Variants in BLVRA observed in about 807,000 individuals in gnomAD.
The protein encoded by BLVRA is BVR A.
A neutral mutation model predicts 32.8 loss-of-function variants in BLVRA; 22 were observed. That is an observed-to-expected ratio of 0.67 (90% CI 0.48 to 0.96). BLVRA has a LOEUF of 0.96. Among genes scored for constraint, BLVRA ranks in the 40% least tolerant of loss-of-function variants. The pLI, the probability that BLVRA is intolerant of heterozygous loss-of-function variation, is 0.00. For missense variants in BLVRA, 323 were observed against 358.1 expected, an observed-to-expected ratio of 0.90 and a Z score of 0.79; for synonymous variants, 119 against 141.3, an observed-to-expected ratio of 0.84 and a Z score of 1.12.
At chr7:43,793,831 A>T (rs1236904155) in intron 5 of BLVRA, among the ~76,000 whole-genome samples, 1 of 151,548 alleles carries the variant, frequency 6.6e-6, no homozygotes, top group Non-Finnish European at 1.5e-5. Flanking sequence ...ACGATGTTGG[A>T]CACAATGGTC....
intron 2 of BLVRA, 46 bp downstream of exon 2, chr7:43,771,216 T>C (rs905936654): frequency 1.1e-5 from 18 of 1,600,252 alleles, no homozygotes; most frequent in Non-Finnish European, 1.5e-5. Context: ...TTTCTTATTG[T>C]GTCCCTCATT....
intron 7 of BLVRA, among the ~76,000 whole-genome samples, chr7:43,805,806 A>T (rs995615663): frequency 5.3e-5 from 8 of 152,096 alleles, no homozygotes; most frequent in African/African-American, 1.9e-4. Flanking sequence ...TATACTGTCT[A>T]GGCCGGTCTC....
chr7:43,782,350 C>T (rs183214711), intron 2 of BLVRA, among the ~76,000 whole-genome samples: 2 of 152,320 alleles, frequency 1.3e-5, no homozygotes, highest in African/African-American at 4.8e-5. Flanking sequence ...CGGCCACAGT[C>T]GGGCTTTGAT....
chr7:43,798,382 G>T (rs538545787), intron 5 of BLVRA, among the ~76,000 whole-genome samples: 34 of 152,108 alleles, frequency 2.2e-4, no homozygotes, highest in African/African-American at 7.5e-4. Flanking sequence ...TATTTTGTGA[G>T]AAGGTAGTTT....
intron 1 of BLVRA, 104 bp from the exon 2 acceptor site, chr7:43,771,034 G>A: frequency 1.0e-6 from 1 of 963,198 alleles, no homozygotes; most frequent in South Asian, 1.3e-5. Flanking sequence ...TGAGAATGAT[G>A]GGACAGGAAG....
Position 43,807,116 on chromosome 7 carries a change from T to G in BLVRA, c.772T>G (p.Phe258Val). The change falls in exon 8 of 8, where the codon TTT becomes GTT. Residue 258 changes from phenylalanine to valine, a missense_variant. By Grantham distance (50) the Phe-to-Val change is conservative. Coordinates refer to ENST00000265523, the MANE Select transcript of BLVRA (RefSeq NM_000712.4). ...CATATTTCTGAAAGATCAAAATATA[T>G]TTGTCCAGAAACTCTTGGGCCAGTT... ...KNIFLKDQNIFVQKLLGQFSE... is the reference protein window; with the variant it reads ...KNIFLKDQNIVVQKLLGQFSE... The G allele has an allele frequency of 6.2e-7, 1 of 1,614,142 alleles. No homozygotes were observed. Among genetic ancestry groups the G allele is most frequent in the Non-Finnish European group, 8.5e-7 (1 of 1,180,034 alleles).
intron 7 of BLVRA, among the ~76,000 whole-genome samples, chr7:43,804,975 A>G (rs1015218594): frequency 6.6e-6 from 1 of 152,226 alleles, no homozygotes; most frequent in African/African-American, 2.4e-5. Flanking sequence ...GGCCTGGCAG[A>G]TGAAAGCAAA....
At chr7:43,801,974 A>C (rs1224305248) in intron 6 of BLVRA, among the ~76,000 whole-genome samples, 2 of 148,010 alleles carry the variant, frequency 1.4e-5, no homozygotes, top group African/African-American at 4.9e-5. Flanking sequence ...GTCTCTACTA[A>C]AAAAAAAAAA....
chr7:43,773,387 T>C (rs1216312806), intron 2 of BLVRA, among the ~76,000 whole-genome samples: 1 of 148,918 alleles, frequency 6.7e-6, no homozygotes, highest in Non-Finnish European at 1.5e-5. Context: ...GAACATGCGG[T>C]GTTTGGTTTT....
chr7:43,797,199 T>C (rs1222668428), intron 5 of BLVRA, among the ~76,000 whole-genome samples: 1 of 152,264 alleles, frequency 6.6e-6, no homozygotes, highest in African/African-American at 2.4e-5. Flanking sequence ...GTGATTCTTG[T>C]GCCTCAGCCA....
intron 5 of BLVRA, among the ~76,000 whole-genome samples, chr7:43,798,175 CA>C (rs1232225585): frequency 9.1e-6 from 1 of 110,332 alleles, no homozygotes; most frequent in African/African-American, 3.6e-5. Context: ...GCCTGGGTGA[CA>C]GAGGGAGACT....
chr7:43,806,762 C>A (rs953201126), intron 7 of BLVRA, among the ~76,000 whole-genome samples: 2 of 152,048 alleles, frequency 1.3e-5, no homozygotes, highest in Admixed American at 1.3e-4. Flanking sequence ...AAAAAAAAGT[C>A]ACTGAATGAA....
At chr7:43,805,802 G>C (rs897066152) in intron 7 of BLVRA, among the ~76,000 whole-genome samples, 1 of 152,052 alleles carries the variant, frequency 6.6e-6, no homozygotes, top group African/African-American at 2.4e-5. Flanking sequence ...TTGCTATACT[G>C]TCTAGGCCGG....
intron 5 of BLVRA, among the ~76,000 whole-genome samples, chr7:43,793,680 A>G (rs2095788669): frequency 6.7e-6 from 1 of 149,986 alleles, no homozygotes. Flanking sequence ...CTGGAGTTCA[A>G]TGGCACCATC....
intron 1 of BLVRA, among the ~76,000 whole-genome samples, chr7:43,764,760 G>C (rs1434392046): frequency 6.6e-6 from 1 of 151,916 alleles, no homozygotes; most frequent in Non-Finnish European, 1.5e-5. Context: ...AACCGAAAGA[G>C]AACCCCCCAC....
At chr7:43,780,997 A>AT (rs1334280428) in intron 2 of BLVRA, among the ~76,000 whole-genome samples, 2 of 152,238 alleles carry the variant, frequency 1.3e-5, no homozygotes, top group Non-Finnish European at 2.9e-5. Flanking sequence ...AAATACAAAA[A>AT]TTAGGCGTAG....
intron 2 of BLVRA, among the ~76,000 whole-genome samples, chr7:43,772,156 C>T (rs746440030): frequency 5.3e-5 from 8 of 152,176 alleles, no homozygotes; most frequent in South Asian, 2.1e-4. Context: ...GTCGATCCTG[C>T]GGCTCAGTGA....
chr7:43,794,606 T>A (rs931430234), intron 5 of BLVRA, among the ~76,000 whole-genome samples: 1 of 151,478 alleles, frequency 6.6e-6, no homozygotes, highest in African/African-American at 2.4e-5. Context: ...GTGGTGGCGC[T>A]TGCCTGTAGT....
intron 2 of BLVRA, among the ~76,000 whole-genome samples, chr7:43,778,327 G>A (rs1585721466): frequency 6.6e-6 from 1 of 152,236 alleles, no homozygotes; most frequent in Admixed American, 6.5e-5. Flanking sequence ...TTTTGGTGTG[G>A]ATGTCCTTTC....
Sources: gnomAD v4.1 joint callset for allele counts (sites outside exome capture counted in the v4.1 genomes callset) on GRCh38, gnomAD v4.1.1 for gene constraint, MANE v1.5 for transcripts, NCBI Gene and HGNC (gene_info 2026-07-23, HGNC 2026-07-21) for gene names.